NIBAN1: variants seen among roughly 807,000 people sequenced by gnomAD.
NIBAN1 encodes the protein niban apoptosis regulator 1.
A neutral mutation model predicts 75.1 loss-of-function variants in NIBAN1; 81 were observed. The ratio of observed to expected loss-of-function variants is 1.08; its 90% CI spans 0.90 to 1.30. The LOEUF is 1.30. Ranked by LOEUF, NIBAN1 falls within the 50% of genes most tolerant of loss-of-function variation. The pLI, the probability that NIBAN1 is intolerant of heterozygous loss-of-function variation, is 0.00. For missense variants in NIBAN1, 1,133 were observed against 1,128.1 expected (o/e 1.00, Z -0.06); for synonymous variants, 436 against 424.8 (o/e 1.03, Z -0.32).
intron 1 of NIBAN1, among the ~76,000 whole-genome samples, chr1:184,912,072 T>G (rs906141614): frequency 1.3e-5 from 2 of 152,176 alleles, no homozygotes; most frequent in African/African-American, 4.8e-5. Flanking sequence ...ATAATATTAT[T>G]ATCCATGTGT....
At chr1:184,959,272 G>C (rs1193131204) in intron 1 of NIBAN1, among the ~76,000 whole-genome samples, 2 of 152,168 alleles carry the variant, frequency 1.3e-5, no homozygotes, top group African/African-American at 4.8e-5. Context: ...TTGGTAGCAG[G>C]GCAGTACAGC....
intron 5 of NIBAN1, among the ~76,000 whole-genome samples, chr1:184,865,799 G>T (rs577715854): frequency 6.6e-6 from 1 of 152,084 alleles, no homozygotes; most frequent in East Asian, 1.9e-4. Flanking sequence ...TGTAAAGGAA[G>T]GCTTAAACAC....
intron 1 of NIBAN1, among the ~76,000 whole-genome samples, chr1:184,967,130 A>G (rs957114274): frequency 6.6e-6 from 1 of 151,984 alleles, no homozygotes; most frequent in Non-Finnish European, 1.5e-5. Flanking sequence ...TTTAAAATGA[A>G]TTTTCCAGTT....
intron 1 of NIBAN1, among the ~76,000 whole-genome samples, chr1:184,946,797 A>T (rs1403463173): frequency 6.6e-6 from 1 of 152,212 alleles, no homozygotes; most frequent in Non-Finnish European, 1.5e-5. Flanking sequence ...CCTTAAAAGG[A>T]GTACATGGTT....
chr1:184,968,969 G>A (rs1658867895), intron 1 of NIBAN1, among the ~76,000 whole-genome samples: 1 of 152,186 alleles, frequency 6.6e-6, no homozygotes, highest in African/African-American at 2.4e-5. Flanking sequence ...GTCCAGCCAT[G>A]GTTACAATCC....
At chr1:184,873,508 A>G (rs923319321) in intron 5 of NIBAN1, among the ~76,000 whole-genome samples, 6 of 152,196 alleles carry the variant, frequency 3.9e-5, no homozygotes, top group African/African-American at 1.4e-4. Flanking sequence ...GAAGAAGAGA[A>G]TATTCTTATC....
At chr1:184,884,838 A>G (rs368014321) in intron 4 of NIBAN1, 38 bp from the exon 5 acceptor site, 3 of 1,599,964 alleles carry the variant, frequency 1.9e-6, no homozygotes, top group Non-Finnish European at 2.6e-6. Flanking sequence ...CTTTTAAAAC[A>G]TGTATCTTTT....
In NIBAN1 at chr1:184,792,679, C is replaced by T. The variant is rs1352391063; in HGVS notation, c.*2298G>A. 1 of 152,756 alleles carries T rather than the reference C, an allele frequency of 6.5e-6. No individual in the cohort carries two copies. Among genetic ancestry groups the T allele is most frequent in the Non-Finnish European group, 1.5e-5 (1 of 68,112 alleles). 9.5% of individuals were successfully genotyped at this position (152,756 alleles called of 1,614,324 possible). A position where few individuals can be genotyped will look rare whatever the true frequency, so the allele number is the denominator to read the frequency against. Reference sequence around the variant, plus strand: ...CAATTCAAAACGTCTTTCTGCCTGACAGCAGGCCCCAAATAGCCCCAGCAC... The same window carrying T: ...CAATTCAAAACGTCTTTCTGCCTGATAGCAGGCCCCAAATAGCCCCAGCAC... On this transcript the variant is annotated 3_prime_UTR_variant, in exon 14 of 14. Transcript: ENST00000367511.
intron 12 of NIBAN1, among the ~76,000 whole-genome samples, chr1:184,799,735 C>CTT (rs780273995): frequency 6.4e-4 from 32 of 49,802 alleles, no homozygotes; most frequent in Non-Finnish European, 9.1e-4. Context: ...GATTGCCATT[C>CTT]TTTTTTTTTT....
At chr1:184,861,542 A>G (rs1655814501) in intron 5 of NIBAN1, among the ~76,000 whole-genome samples, 1 of 145,702 alleles carries the variant, frequency 6.9e-6, no homozygotes, top group Admixed American at 6.9e-5. Context: ...GGAAGGGAGG[A>G]AGGGAGGGAG....
intron 12 of NIBAN1, among the ~76,000 whole-genome samples, chr1:184,802,107 G>C (rs1304397252): frequency 6.6e-6 from 1 of 152,152 alleles, no homozygotes; most frequent in Non-Finnish European, 1.5e-5. Context: ...GCAAAATAAA[G>C]ACTCCTTCTA....
chr1:184,966,566 A>T (rs992413146), intron 1 of NIBAN1, among the ~76,000 whole-genome samples: 1 of 152,220 alleles, frequency 6.6e-6, no homozygotes, highest in Non-Finnish European at 1.5e-5. Context: ...TAGATAACTG[A>T]AAATAGTGGT....
At chr1:184,970,669 A>G (rs373908409) in intron 1 of NIBAN1, among the ~76,000 whole-genome samples, 1 of 152,194 alleles carries the variant, frequency 6.6e-6, no homozygotes, top group Non-Finnish European at 1.5e-5. Context: ...TGACTATGCA[A>G]TAATAAATCC....
chr1:184,903,733 C>CTTTTT (rs368105582), intron 1 of NIBAN1, among the ~76,000 whole-genome samples: 48 of 99,920 alleles, frequency 4.8e-4, no homozygotes, highest in East Asian at 1.1e-3. Flanking sequence ...CCGATTAAAC[C>CTTTTT]TTTTTTTTTT....
chr1:184,865,568 C>A (rs1655935820), intron 5 of NIBAN1, among the ~76,000 whole-genome samples: 1 of 151,964 alleles, frequency 6.6e-6, no homozygotes, highest in Non-Finnish European at 1.5e-5. Context: ...ACCAATGTAA[C>A]AAATCTGCAC....
chr1:184,950,324 T>A (rs1345744711), intron 1 of NIBAN1, among the ~76,000 whole-genome samples: 2 of 152,226 alleles, frequency 1.3e-5, no homozygotes, highest in Non-Finnish European at 2.9e-5. Context: ...AGATGAAATT[T>A]ACAAAAGGTA....
At chr1:184,874,637 T>C (rs1010825985) in intron 5 of NIBAN1, among the ~76,000 whole-genome samples, 3 of 151,824 alleles carry the variant, frequency 2.0e-5, no homozygotes, top group African/African-American at 7.3e-5. Flanking sequence ...TGTGTATATA[T>C]ACATATATAA....
chr1:184,889,442 CT>C (rs796199257), intron 4 of NIBAN1, among the ~76,000 whole-genome samples: 72 of 148,954 alleles, frequency 4.8e-4, no homozygotes, highest in African/African-American at 1.4e-3. Context: ...TAATGCAATG[CT>C]TTTTTTTTTC....
chr1:184,901,728 A>G (rs1656961036), intron 1 of NIBAN1, among the ~76,000 whole-genome samples: 1 of 152,192 alleles, frequency 6.6e-6, no homozygotes, highest in Non-Finnish European at 1.5e-5. Flanking sequence ...TTTCTGCCAC[A>G]TCACCAAGCC....
Sources: gnomAD v4.1 joint callset for allele counts (sites outside exome capture counted in the v4.1 genomes callset) on GRCh38, gnomAD v4.1.1 for gene constraint, MANE v1.5 for transcripts, NCBI Gene and HGNC (gene_info 2026-07-23, HGNC 2026-07-21) for gene names.